CFAP263: variants seen among roughly 807,000 people sequenced by gnomAD.
CFAP263 encodes cilia- and flagella-associated protein 263.
chr16:58,272,177 G>A, the CFAP263 span, among the ~76,000 whole-genome samples: 42 of 151,950 alleles, frequency 2.8e-4, no homozygotes, highest in African/African-American at 7.7e-4. Context: ...CACCACGCCC[G>A]GCTAATTTTT....
the CFAP263 span, chr16:58,279,796 T>C: frequency 6.3e-7 from 1 of 1,578,654 alleles, no homozygotes; most frequent in Non-Finnish European, 8.7e-7. Flanking sequence ...AGGCCACGGC[T>C]TACAGACCAC....
At chr16:58,262,328 A>G in the CFAP263 span, 89 of 1,504,798 alleles carry the variant, frequency 5.9e-5, no homozygotes, top group Middle Eastern at 3.5e-4. Context: ...GATGTGAGCC[A>G]TACATTCAGA....
the CFAP263 span, among the ~76,000 whole-genome samples, chr16:58,260,715 G>C: frequency 1.3e-5 from 2 of 152,142 alleles, no homozygotes; most frequent in Non-Finnish European, 1.5e-5. Flanking sequence ...GGCACTGGTA[G>C]CATGCTCATC....
the CFAP263 span, among the ~76,000 whole-genome samples, chr16:58,255,002 A>T: frequency 1.4e-4 from 21 of 152,256 alleles, no homozygotes; most frequent in South Asian, 2.9e-3. Flanking sequence ...GTATATATGA[A>T]AGGGAGTTAA....
the CFAP263 span, among the ~76,000 whole-genome samples, chr16:58,262,854 C>G: frequency 6.6e-6 from 1 of 151,416 alleles, no homozygotes; most frequent in African/African-American, 2.4e-5. Flanking sequence ...AGGTGAGGGC[C>G]ATGCCTCTTA....
chr16:58,254,886 TG>T, the CFAP263 span, among the ~76,000 whole-genome samples: 1 of 152,210 alleles, frequency 6.6e-6, no homozygotes, highest in Admixed American at 6.5e-5. Context: ...ATTACAGGCA[TG>T]AGCCACTGCG....
the CFAP263 span, chr16:58,267,647 A>C: frequency 9.5e-7 from 1 of 1,051,732 alleles, no homozygotes; most frequent in South Asian, 1.3e-5. Flanking sequence ...TAAGGGCTTG[A>C]GTCAAGGTCC....
chr16:58,253,203 C>T, the CFAP263 span, among the ~76,000 whole-genome samples: 3 of 152,080 alleles, frequency 2.0e-5, no homozygotes, highest in East Asian at 3.9e-4. Flanking sequence ...TATTGCAAGA[C>T]CCCATCTTTA....
chr16:58,262,501 G>A, the CFAP263 span: 5 of 1,610,882 alleles, frequency 3.1e-6, no homozygotes, highest in East Asian at 8.9e-5. Context: ...AGCTAAAGCT[G>A]TCATCTGGAA....
the CFAP263 span, among the ~76,000 whole-genome samples, chr16:58,271,424 C>T: frequency 1.3e-5 from 2 of 152,168 alleles, no homozygotes; most frequent in African/African-American, 4.8e-5. Flanking sequence ...AGTATTGATA[C>T]AGTATTATTA....
At chr16:58,263,096 A>C in the CFAP263 span, among the ~76,000 whole-genome samples, 1 of 152,222 alleles carries the variant, frequency 6.6e-6, no homozygotes, top group Non-Finnish European at 1.5e-5. Context: ...ATTAATAATT[A>C]AGCAGAGACT....
At chr16:58,277,895 T>C in the CFAP263 span, among the ~76,000 whole-genome samples, 2 of 151,862 alleles carry the variant, frequency 1.3e-5, no homozygotes, top group African/African-American at 4.8e-5. Context: ...AGACAGAAAG[T>C]GGAATGGTGG....
chr16:58,279,672 TTC>T, the CFAP263 span: 1 of 1,500,948 alleles, frequency 6.7e-7, no homozygotes, highest in Non-Finnish European at 8.8e-7. Flanking sequence ...TTTTCTTTTT[TTC>T]TTTTTTTTTT....
chr16:58,278,354 C>T, the CFAP263 span: 1 of 856,720 alleles, frequency 1.2e-6, no homozygotes, highest in South Asian at 1.9e-5. Context: ...CCTCCCCAAC[C>T]TCTTTGAAAA....
chr16:58,264,888 T>C, the CFAP263 span, among the ~76,000 whole-genome samples: 1 of 152,208 alleles, frequency 6.6e-6, no homozygotes, highest in Non-Finnish European at 1.5e-5. Flanking sequence ...AAAGTACCAA[T>C]ACCTCCACAA....
At chr16:58,274,045 C>A in the CFAP263 span, among the ~76,000 whole-genome samples, 1 of 152,220 alleles carries the variant, frequency 6.6e-6, no homozygotes, top group African/African-American at 2.4e-5. Context: ...CTATTGGCAT[C>A]ACACTCAGCC....
chr16:58,256,122 C>A, the CFAP263 span, among the ~76,000 whole-genome samples: 1 of 152,206 alleles, frequency 6.6e-6, no homozygotes, highest in Non-Finnish European at 1.5e-5. Flanking sequence ...GAATCACACT[C>A]GTCTCAAGAG....
At chr16:58,262,537 C>T in the CFAP263 span, 1 of 1,598,560 alleles carries the variant, frequency 6.3e-7, no homozygotes, top group Admixed American at 1.7e-5. Flanking sequence ...TCAATGCCTA[C>T]AAAGTAAGGC....
At chr16:58,283,294 G>A in the CFAP263 span, 1 of 152,164 alleles carries the variant, frequency 6.6e-6, no homozygotes, top group South Asian at 2.1e-4. Flanking sequence ...GATTCTATGG[G>A]GACGGGTCAC....
Sources: allele counts gnomAD v4.1 joint callset (sites outside exome capture counted in the v4.1 genomes callset), GRCh38; gene constraint gnomAD v4.1.1; transcripts MANE v1.5; gene names NCBI Gene and HGNC (gene_info 2026-07-23, HGNC 2026-07-21).